ATP9A: variants seen among roughly 807,000 people sequenced by gnomAD.
ATP9A encodes the protein ATPase phospholipid transporting 9A, also known as probable phospholipid-transporting ATPase IIA.
ATP9A carries 52 observed loss-of-function variants against 144.1 expected under a neutral mutation model. The ratio of observed to expected loss-of-function variants is 0.36; its 90% CI spans 0.29 to 0.45. The LOEUF is 0.45. ATP9A is among the 20% of genes least tolerant of loss of function. The probability of loss-of-function intolerance (pLI) is 1.00; values close to 1 mark genes in which losing one functional copy is unlikely to be tolerated. For synonymous variants in ATP9A, 582 were observed against 557.4 expected (o/e 1.04, Z -0.62); for missense variants, 947 against 1,392.7 (o/e 0.68, Z 5.09).
chr20:51,760,399 G>A (rs1423205463), intron 1 of ATP9A, among the ~76,000 whole-genome samples: 1 of 152,036 alleles, frequency 6.6e-6, no homozygotes, highest in East Asian at 1.9e-4. Flanking sequence ...TTCCATATTC[G>A]AAAATTCAGT....
chr20:51,765,370 A>T (rs2077898983), intron 1 of ATP9A, among the ~76,000 whole-genome samples: 1 of 152,148 alleles, frequency 6.6e-6, no homozygotes, highest in Admixed American at 6.6e-5. Flanking sequence ...TAAGAAATAG[A>T]TTGGCCAGAC....
intron 1 of ATP9A, among the ~76,000 whole-genome samples, chr20:51,742,607 T>C (rs2077789938): frequency 6.6e-6 from 1 of 152,058 alleles, no homozygotes; most frequent in Non-Finnish European, 1.5e-5. Flanking sequence ...CTCCGCCTCC[T>C]GGGTTCAAGC....
chr20:51,668,149 A>G (rs2077441452), intron 13 of ATP9A, among the ~76,000 whole-genome samples: 3 of 36,078 alleles, frequency 8.3e-5, no homozygotes, highest in Admixed American at 4.0e-4. Flanking sequence ...GAGGGAGGGT[A>G]AGGAAAGGAA....
At chr20:51,606,322 C>T (rs1230745875) in intron 26 of ATP9A, among the ~76,000 whole-genome samples, 1 of 152,112 alleles carries the variant, frequency 6.6e-6, no homozygotes, top group Non-Finnish European at 1.5e-5. Context: ...GTGTACCTGT[C>T]CAGATATATA....
chr20:51,707,200 T>C (rs2077618236), intron 4 of ATP9A, among the ~76,000 whole-genome samples: 1 of 152,188 alleles, frequency 6.6e-6, no homozygotes, highest in South Asian at 2.1e-4. Flanking sequence ...GCTGTTGCCA[T>C]CTTGAGATTC....
intron 4 of ATP9A, among the ~76,000 whole-genome samples, chr20:51,710,251 G>A (rs1336235005): frequency 4.6e-5 from 7 of 151,998 alleles, no homozygotes; most frequent in Non-Finnish European, 1.0e-4. Context: ...TGCAGCGAGC[G>A]AAGATCGCGA....
chr20:51,632,345 G>T (rs1217822878), intron 15 of ATP9A, among the ~76,000 whole-genome samples: 5 of 152,182 alleles, frequency 3.3e-5, no homozygotes, highest in Admixed American at 3.3e-4. Context: ...GCCTCCCAAA[G>T]TATTACAGGC....
At chr20:51,745,938 T>A (rs1254502256) in intron 1 of ATP9A, among the ~76,000 whole-genome samples, 1 of 152,054 alleles carries the variant, frequency 6.6e-6, no homozygotes, top group East Asian at 1.9e-4. Context: ...TAAATGCCCA[T>A]CAAAGACAGA....
At chr20:51,708,842 C>T (rs1228914840) in intron 4 of ATP9A, among the ~76,000 whole-genome samples, 1 of 152,146 alleles carries the variant, frequency 6.6e-6, no homozygotes, top group Non-Finnish European at 1.5e-5. Context: ...ACTGGCCTGT[C>T]CTCTTCGAAA....
At chr20:51,703,048 G>A (rs1167349760) in intron 4 of ATP9A, among the ~76,000 whole-genome samples, 3 of 152,000 alleles carry the variant, frequency 2.0e-5, no homozygotes, top group Non-Finnish European at 2.9e-5. Flanking sequence ...GATGGAAAAA[G>A]GACCAATACA....
intron 15 of ATP9A, among the ~76,000 whole-genome samples, chr20:51,632,336 C>T (rs2077273173): frequency 6.6e-6 from 1 of 152,186 alleles, no homozygotes; most frequent in Non-Finnish European, 1.5e-5. Flanking sequence ...CCTGCCTTGG[C>T]CTCCCAAAGT....
intron 15 of ATP9A, among the ~76,000 whole-genome samples, chr20:51,629,949 G>T (rs962616792): frequency 1.3e-5 from 2 of 152,190 alleles, no homozygotes; most frequent in Non-Finnish European, 2.9e-5. Flanking sequence ...GATTTCCCAA[G>T]TCCCCCAGCC....
intron 11 of ATP9A, among the ~76,000 whole-genome samples, chr20:51,672,652 T>C (rs917112742): frequency 4.6e-5 from 7 of 152,010 alleles, no homozygotes; most frequent in African/African-American, 1.7e-4. Flanking sequence ...ATATATAAAA[T>C]AGCAAGACAA....
At position 51,598,749 on chromosome 20, in the gene ATP9A, G is replaced by A. The variant is rs549446790; in HGVS notation, c.*2462C>T. On this transcript the variant is annotated 3_prime_UTR_variant, in exon 28 of 28. Transcript: ENST00000338821. ...ATCCTCCTGCCTTTGCGTCTCCAGT[G>A]TCTGAGAAGCACGGTGTGTGCATTC... is the stretch of plus-strand genomic sequence containing the variant. The A allele has an allele frequency of 6.6e-6, 1 of 152,358 alleles. No individual in the cohort carries two copies. Among genetic ancestry groups the A allele is most frequent in the South Asian group, 2.1e-4 (1 of 4,820 alleles). The allele number at this position is 152,358 out of a possible 1,614,324, so 9.4% of individuals were successfully genotyped here. A position where few individuals can be genotyped will look rare whatever the true frequency, so the allele number is the denominator to read the frequency against.
chr20:51,601,163 C>A lies in ATP9A; in HGVS notation c.*48G>T, dbSNP rs1439518349. On this transcript the variant is annotated 3_prime_UTR_variant, in exon 28 of 28. Transcript: ENST00000338821. ...AATATAAATGGAACTTGAGCTCTGTCCATCAGGGAAGCGCCAAGACCAGGG... is the reference window on the plus strand; with the variant it reads ...AATATAAATGGAACTTGAGCTCTGTACATCAGGGAAGCGCCAAGACCAGGG... 2 of 1,538,106 alleles carry A rather than the reference C, an allele frequency of 1.3e-6. No individual in the cohort carries two copies. The highest frequency in any genetic ancestry group is 2.1e-5 in the Admixed American group (1 of 48,264).
At chr20:51,606,689 C>T (rs180909117) in intron 26 of ATP9A, among the ~76,000 whole-genome samples, 4 of 152,142 alleles carry the variant, frequency 2.6e-5, no homozygotes, top group South Asian at 2.1e-4. Flanking sequence ...TGCAGGGACT[C>T]GTGGCTCACA....
chr20:51,757,219 T>C (rs184531249), intron 1 of ATP9A, among the ~76,000 whole-genome samples: 3 of 152,250 alleles, frequency 2.0e-5, no homozygotes, highest in Admixed American at 6.5e-5. Context: ...GGTTTCACCA[T>C]GTTGGCCAGG....
chr20:51,659,447 T>C (rs145077929), intron 13 of ATP9A, among the ~76,000 whole-genome samples: 1 of 152,096 alleles, frequency 6.6e-6, no homozygotes, highest in Non-Finnish European at 1.5e-5. Context: ...TGGTAGGGAG[T>C]CCTCAATTGA....
chr20:51,623,787 CAA>C lies in ATP9A; in HGVS notation c.2016+1403_2016+1404del, dbSNP rs746253035. 6.7e-3 allele frequency among the ~76,000 whole-genome samples: 486 copies of C among 72,132 alleles called. 2 individuals are homozygous for C. The highest frequency in any genetic ancestry group is 0.012 in the South Asian group (22 of 1,900). 47.3% of individuals were successfully genotyped at this position (72,132 alleles called of 152,430 possible). ...TGGGCGACAGAGTGAAACTCTGTCT[CAA>C]AAAAAAAAAAAAAAAGAAAGAAAGA... On this transcript the variant is annotated intron_variant, in intron 18 of 27. Coordinates refer to ENST00000338821, the MANE Select transcript of ATP9A (RefSeq NM_006045.3).
Sources: gnomAD v4.1 joint callset for allele counts (sites outside exome capture counted in the v4.1 genomes callset) on GRCh38, gnomAD v4.1.1 for gene constraint, MANE v1.5 for transcripts, NCBI Gene and HGNC (gene_info 2026-07-23, HGNC 2026-07-21) for gene names.